GABRB2: variants seen among roughly 807,000 people sequenced by gnomAD.
GABRB2 encodes the protein gamma-aminobutyric acid receptor subunit beta-2.
Under a neutral mutation model 54.7 loss-of-function variants are expected in GABRB2, and 16 were observed. The observed-to-expected ratio is 0.29, with a 90% confidence interval of 0.20 to 0.44. The LOEUF is 0.44. GABRB2 is among the 20% of genes least tolerant of loss of function. GABRB2 has a pLI of 1.00. For missense variants in GABRB2, 355 were observed against 644.0 expected, an observed-to-expected ratio of 0.55 and a Z score of 4.86; for synonymous variants, 244 against 233.8, an observed-to-expected ratio of 1.04 and a Z score of -0.40.
chr5:161,496,967 C>T (rs888280561), intron 3 of GABRB2, among the ~76,000 whole-genome samples: 1 of 152,118 alleles, frequency 6.6e-6, no homozygotes, highest in Admixed American at 6.6e-5. Flanking sequence ...CCATCAAACT[C>T]ATGATCCTCA....
chr5:161,519,185 T>C (rs990160323), intron 3 of GABRB2, among the ~76,000 whole-genome samples: 3 of 152,160 alleles, frequency 2.0e-5, no homozygotes, highest in Non-Finnish European at 4.4e-5. Flanking sequence ...GGGTCTCTTT[T>C]GGAGACTGTA....
At chr5:161,380,458 A>G (rs1755430962) in intron 5 of GABRB2, among the ~76,000 whole-genome samples, 1 of 152,182 alleles carries the variant, frequency 6.6e-6, no homozygotes. Flanking sequence ...TCTATTTAAA[A>G]CCCAATTGTA....
chr5:161,468,762 A>G (rs750456875), intron 3 of GABRB2, among the ~76,000 whole-genome samples: 2 of 151,930 alleles, frequency 1.3e-5, no homozygotes, highest in African/African-American at 2.4e-5. Context: ...CCAAATTATT[A>G]AAAGATATGA....
chr5:161,399,078 A>T (rs1204421485), intron 5 of GABRB2, among the ~76,000 whole-genome samples: 1 of 152,136 alleles, frequency 6.6e-6, no homozygotes, highest in Non-Finnish European at 1.5e-5. Flanking sequence ...TAAAGTAAGG[A>T]ATTCTACAAA....
chr5:161,495,259 G>T (rs950023561), intron 3 of GABRB2, among the ~76,000 whole-genome samples: 2 of 151,800 alleles, frequency 1.3e-5, no homozygotes, highest in Non-Finnish European at 2.9e-5. Flanking sequence ...ACTCAGGAGT[G>T]TTATCTATTA....
chr5:161,426,426 G>T (rs1010986517), intron 4 of GABRB2, among the ~76,000 whole-genome samples: 5 of 151,994 alleles, frequency 3.3e-5, no homozygotes, highest in Non-Finnish European at 7.4e-5. Flanking sequence ...ACCAAAACTG[G>T]AACTGAGAGA....
At chr5:161,444,290 T>C (rs1283679053) in intron 4 of GABRB2, among the ~76,000 whole-genome samples, 2 of 152,068 alleles carry the variant, frequency 1.3e-5, no homozygotes, top group South Asian at 2.1e-4. Flanking sequence ...CAATAAAAAG[T>C]TACATACATT....
chr5:161,345,210 T>A (rs1754285272), intron 5 of GABRB2, among the ~76,000 whole-genome samples: 1 of 151,962 alleles, frequency 6.6e-6, no homozygotes, highest in Non-Finnish European at 1.5e-5. Flanking sequence ...AAGAAAAAAA[T>A]TTAATCAGTA....
intron 3 of GABRB2, among the ~76,000 whole-genome samples, chr5:161,535,587 G>C (rs1045709450): frequency 6.6e-6 from 1 of 152,212 alleles, no homozygotes; most frequent in African/African-American, 2.4e-5. Context: ...TCATTTGCTA[G>C]CTATGTGACC....
chr5:161,539,942 G>C (rs1208863437), intron 3 of GABRB2, among the ~76,000 whole-genome samples: 1 of 152,218 alleles, frequency 6.6e-6, no homozygotes, highest in African/African-American at 2.4e-5. Context: ...CCTTCACGGA[G>C]TAGTAATCTT....
At chr5:161,394,550 G>A (rs1561635037) in intron 5 of GABRB2, among the ~76,000 whole-genome samples, 1 of 151,896 alleles carries the variant, frequency 6.6e-6, no homozygotes, top group African/African-American at 2.4e-5. Flanking sequence ...AAGGATAATA[G>A]GTGAATACTG....
intron 9 of GABRB2, among the ~76,000 whole-genome samples, chr5:161,294,804 CAACAGTGTTAGGA>C: frequency 6.6e-6 from 1 of 152,128 alleles, no homozygotes; most frequent in East Asian, 1.9e-4. Context: ...GCTAGGCATG[CAACAGTGTTAGGA>C]AATTAATTAC....
At chr5:161,486,388 A>G (rs1274616633) in intron 3 of GABRB2, among the ~76,000 whole-genome samples, 1 of 152,002 alleles carries the variant, frequency 6.6e-6, no homozygotes, top group Non-Finnish European at 1.5e-5. Flanking sequence ...CAGCCTCTGG[A>G]AGTAAACATC....
chr5:161,499,293 T>G (rs1196075854), intron 3 of GABRB2, among the ~76,000 whole-genome samples: 1 of 152,220 alleles, frequency 6.6e-6, no homozygotes, highest in Non-Finnish European at 1.5e-5. Context: ...CCACTTATTG[T>G]GGCTCAAATT....
chr5:161,351,236 G>A (rs1409316838), intron 5 of GABRB2, among the ~76,000 whole-genome samples: 1 of 151,964 alleles, frequency 6.6e-6, no homozygotes, highest in East Asian at 1.9e-4. Flanking sequence ...CTTTGAATAA[G>A]CAAAGCAATT....
rs190770595 is a variant in GABRB2, at chr5:161,461,000, T to C, written c.238-1156A>G. 2.0e-3 allele frequency among the ~76,000 whole-genome samples: 310 copies of C among 152,244 alleles called. 1 individual carries two copies. The highest frequency in any genetic ancestry group is 3.9e-3 in the Admixed American group (60 of 15,270). On this transcript the variant is annotated intron_variant, in intron 3 of 9. Coordinates refer to ENST00000393959, the MANE Select transcript of GABRB2 (RefSeq NM_001371727.1). ...AGATAAATAGACAGGCTTGACATGT[T>C]TGAAGAATCAGTAAGACCTGCTTGT...
In GABRB2 at chr5:161,384,665, A is replaced by G. The variant is rs1349132535; in HGVS notation, c.541+26310T>C. 4.6e-5 allele frequency among the ~76,000 whole-genome samples: 7 copies of G among 152,196 alleles called. No individual in the cohort carries two copies. The East Asian group carries it at 1.3e-3, about 29-fold the overall frequency. Reference sequence around the variant, plus strand: ...AAATTTGGCTCTTGGGACAGTTAGTATTACTGAGGATAATTGTGTCAAAGC... The same window carrying G: ...AAATTTGGCTCTTGGGACAGTTAGTGTTACTGAGGATAATTGTGTCAAAGC... On this transcript the variant is annotated intron_variant, in intron 5 of 9. Coordinates refer to ENST00000393959, the MANE Select transcript of GABRB2 (RefSeq NM_001371727.1).
intron 8 of GABRB2, among the ~76,000 whole-genome samples, chr5:161,327,700 G>A (rs972471181): frequency 3.3e-5 from 5 of 152,060 alleles, no homozygotes; most frequent in Admixed American, 3.3e-4. Context: ...CTGACCTCAG[G>A]ACAGAGCACA....
intron 5 of GABRB2, among the ~76,000 whole-genome samples, chr5:161,365,030 GGTTTGGCCAT>G (rs1292251032): frequency 1.3e-5 from 2 of 152,112 alleles, no homozygotes; most frequent in Admixed American, 6.6e-5. Flanking sequence ...AATGAAGAAT[GGTTTGGCCAT>G]GTTAAGACAA....
Sources: allele counts gnomAD v4.1 joint callset (sites outside exome capture counted in the v4.1 genomes callset), GRCh38; gene constraint gnomAD v4.1.1; transcripts MANE v1.5; gene names NCBI Gene and HGNC (gene_info 2026-07-23, HGNC 2026-07-21).